The following MED12L variants were observed in gnomAD, a reference collection of about 807,000 sequenced individuals.
MED12L encodes mediator complex subunit 12L.
MED12L carries 60 observed loss-of-function variants against 281.3 expected under a neutral mutation model. That is an observed-to-expected ratio of 0.21 (90% CI 0.17 to 0.26). The LOEUF (loss-of-function observed/expected upper bound fraction) is 0.26. MED12L is among the 10% of genes least tolerant of loss of function. The pLI, the probability that MED12L is intolerant of heterozygous loss-of-function variation, is 1.00. For synonymous variants in MED12L, 974 were observed against 987.2 expected, an observed-to-expected ratio of 0.99 and a Z score of 0.25; for missense variants, 2,146 against 2,680.9, an observed-to-expected ratio of 0.80 and a Z score of 4.41.
intron 16 of MED12L, among the ~76,000 whole-genome samples, chr3:151,339,481 G>A (rs1211235888): frequency 6.6e-6 from 1 of 150,458 alleles, no homozygotes; most frequent in Non-Finnish European, 1.5e-5. Context: ...AGATATTCCT[G>A]CCTCTATATT....
chr3:151,106,748 T>C (rs977101503), intron 2 of MED12L, among the ~76,000 whole-genome samples: 1 of 152,228 alleles, frequency 6.6e-6, no homozygotes, highest in Non-Finnish European at 1.5e-5. Context: ...AATTGACCTT[T>C]TTATCATTAT....
intron 16 of MED12L, among the ~76,000 whole-genome samples, chr3:151,284,185 T>G (rs1743164937): frequency 1.3e-5 from 2 of 152,080 alleles, no homozygotes; most frequent in South Asian, 4.1e-4. Context: ...CCTCAGCAAG[T>G]TTAAGGAAAG....
At chr3:151,390,168 A>G in intron 38 of MED12L, 33 bp downstream of exon 38, 1 of 1,606,010 alleles carries the variant, frequency 6.2e-7, no homozygotes, top group South Asian at 1.1e-5. Context: ...TCACTCAGAG[A>G]TGAGAAACAG....
At chr3:151,303,961 A>G (rs140685018) in intron 16 of MED12L, among the ~76,000 whole-genome samples, 195 of 152,262 alleles carry the variant, frequency 1.3e-3, no homozygotes, top group Non-Finnish European at 2.1e-3. Context: ...AGGAATTGTG[A>G]CTAGTTTTAT....
chr3:151,334,177 G>GTTTTTTTTTTTTT (rs1471232146), intron 16 of MED12L, among the ~76,000 whole-genome samples: 1 of 81,748 alleles, frequency 1.2e-5, no homozygotes, highest in Admixed American at 1.3e-4. Context: ...GATGTTATGT[G>GTTTTTTTTTTTTT]TTTTTTCTTT....
intron 37 of MED12L, among the ~76,000 whole-genome samples, chr3:151,389,458 A>C (rs1713893152): frequency 6.6e-6 from 1 of 152,168 alleles, no homozygotes; most frequent in Admixed American, 6.5e-5. Flanking sequence ...CAGGCTTTGC[A>C]GCTACTATAA....
intron 16 of MED12L, among the ~76,000 whole-genome samples, chr3:151,274,763 A>G (rs1273815584): frequency 2.6e-5 from 4 of 152,202 alleles, no homozygotes; most frequent in African/African-American, 4.8e-5. Context: ...ATGACTATCA[A>G]TTCCTAGGAG....
chr3:151,245,005 ACTAGAAAAT>A (rs1306937759), intron 16 of MED12L, among the ~76,000 whole-genome samples: 2 of 118,784 alleles, frequency 1.7e-5, no homozygotes, highest in Non-Finnish European at 3.9e-5. Context: ...ACGCAAATAA[ACTAGAAAAT>A]CTAGAAGAAA....
chr3:151,118,632 C>T (rs188432413), intron 3 of MED12L, among the ~76,000 whole-genome samples: 1 of 150,056 alleles, frequency 6.7e-6, no homozygotes, highest in East Asian at 2.0e-4. Context: ...ACCATTGTCA[C>T]TATCCATCTC....
chr3:151,238,075 C>G (rs1293434308), intron 16 of MED12L, among the ~76,000 whole-genome samples: 3 of 152,154 alleles, frequency 2.0e-5, no homozygotes, highest in African/African-American at 7.2e-5. Flanking sequence ...TCTTTTCTAA[C>G]TAGTGCTTTT....
intron 36 of MED12L, among the ~76,000 whole-genome samples, chr3:151,385,761 A>C (rs1053627496): frequency 2.6e-5 from 4 of 152,146 alleles, no homozygotes; most frequent in African/African-American, 7.2e-5. Context: ...GCTATTTCAA[A>C]TAAAAATTAT....
At chr3:151,360,824 T>G (rs953721888) in intron 21 of MED12L, among the ~76,000 whole-genome samples, 2 of 151,974 alleles carry the variant, frequency 1.3e-5, no homozygotes, top group Non-Finnish European at 2.9e-5. Context: ...TGATCATAGG[T>G]TTTTTTTCCC....
intron 16 of MED12L, chr3:151,295,263 A>G (rs775344752): frequency 2.4e-5 from 30 of 1,260,444 alleles, no homozygotes; most frequent in Non-Finnish European, 3.0e-5. Context: ...GCATGCCCAC[A>G]GGCTACTAGG....
chr3:151,209,735 G>A (rs184878707), intron 16 of MED12L, among the ~76,000 whole-genome samples: 188 of 152,194 alleles, frequency 1.2e-3, no homozygotes, highest in Non-Finnish European at 2.3e-3. Context: ...AGATGGCAGC[G>A]ATAGGGTTAA....
chr3:151,198,908 T>G, intron 16 of MED12L: 3 of 1,614,106 alleles, frequency 1.9e-6, no homozygotes, highest in Non-Finnish European at 2.5e-6. Flanking sequence ...CACATTTGAC[T>G]TTTCCTTGAT....
At chr3:151,350,425 AT>A (rs1753080157) in intron 17 of MED12L, among the ~76,000 whole-genome samples, 1 of 152,018 alleles carries the variant, frequency 6.6e-6, no homozygotes, top group African/African-American at 2.4e-5. Flanking sequence ...TTAATATTAA[AT>A]ATTATTTTAT....
intron 2 of MED12L, among the ~76,000 whole-genome samples, chr3:151,093,344 A>G (rs1439240676): frequency 1.3e-5 from 2 of 152,158 alleles, no homozygotes; most frequent in Non-Finnish European, 2.9e-5. Context: ...TACCCCAGAA[A>G]TGCTGAGTCA....
chr3:151,384,978 A>ATTG lies in MED12L; in HGVS notation c.4927-50_4927-48dup. 6 of 993,088 alleles carry ATTG rather than the reference A, an allele frequency of 6.0e-6. No individual in the cohort carries two copies. The East Asian group carries it at 1.5e-4, about 24-fold the overall frequency. 61.5% of individuals were successfully genotyped at this position (993,088 alleles called of 1,614,324 possible). A position where few individuals can be genotyped will look rare whatever the true frequency, so the allele number is the denominator to read the frequency against. On this transcript the variant is annotated intron_variant, in intron 35 of 44. Transcript: ENST00000687756. ...TTCCTTCTGGTTAACTTTTGCCTTC[A>ATTG]TTGTAATTTCTGTCCCACTTCTCAC...
intron 12 of MED12L, among the ~76,000 whole-genome samples, chr3:151,186,856 G>C (rs1723353873): frequency 6.6e-6 from 1 of 152,176 alleles, no homozygotes; most frequent in Admixed American, 6.5e-5. Context: ...ACAGCAGAAA[G>C]CTCACTCATC....
Sources: allele counts gnomAD v4.1 joint callset (sites outside exome capture counted in the v4.1 genomes callset), GRCh38; gene constraint gnomAD v4.1.1; transcripts MANE v1.5; gene names NCBI Gene and HGNC (gene_info 2026-07-23, HGNC 2026-07-21).